NPC1: variants seen among roughly 807,000 people sequenced by gnomAD.
NPC1 encodes Niemann-Pick C1 protein.
In NPC1, 85 loss-of-function variants were observed where a neutral mutation model predicts 140.4. That is an observed-to-expected ratio of 0.61 (90% confidence interval 0.51 to 0.72). NPC1 has a LOEUF of 0.72. Ranked by LOEUF, NPC1 falls within the 30% of genes least tolerant of loss-of-function variation. The pLI is 0.00. For missense variants in NPC1, 1,504 were observed against 1,623.8 expected (o/e 0.93, Z 1.27); for synonymous variants, 656 against 624.8 (o/e 1.05, Z -0.74).
At chr18:23,544,668 G>A in intron 12 of NPC1, 142 bp from the exon 13 acceptor site, 1 of 845,028 alleles carries the variant, frequency 1.2e-6, no homozygotes, top group Non-Finnish European at 2.0e-6. Flanking sequence ...GAGAGGACTT[G>A]TAAACATTTC....
At chr18:23,549,742 C>CTTTTTTTT (rs1000073339) in intron 10 of NPC1, among the ~76,000 whole-genome samples, 5 of 138,006 alleles carry the variant, frequency 3.6e-5, no homozygotes, top group African/African-American at 1.4e-4. Context: ...TTTTTCACAA[C>CTTTTTTTT]TTTTTTTTTT....
intron 3 of NPC1, chr18:23,516,461 C>T (rs2058007994): frequency 6.3e-7 from 1 of 1,588,196 alleles, no homozygotes. Flanking sequence ...CCTGTGATTG[C>T]TTTCAGTAAT....
downstream of NPC1, chr18:23,518,931 G>A (rs376189098): frequency 9.3e-6 from 15 of 1,613,940 alleles, no homozygotes; most frequent in East Asian, 2.2e-5. Context: ...CATCATTCTC[G>A]GACCTCCAAC....
chr18:23,524,202 G>C (rs938103624), intron 1 of NPC1: 2 of 1,611,130 alleles, frequency 1.2e-6, no homozygotes, highest in African/African-American at 2.7e-5. Flanking sequence ...GTGGCACCGT[G>C]CACAACAGGG....
At position 23,544,515 on chromosome 18, in the gene NPC1, C is replaced by A; in HGVS notation, c.1959G>T (p.Lys653Asn). Reference sequence around the variant, plus strand: ...AGATGCCCGCGATGCCTAGTGAGACCTTCGAATCCACCTGAGAGAGGCGAC... The same window carrying A: ...AGATGCCCGCGATGCCTAGTGAGACATTCGAATCCACCTGAGAGAGGCGAC... Reference protein sequence around the residue: ...KSCRRLLVDSKVSLGIAGILI... With the variant: ...KSCRRLLVDSNVSLGIAGILI... The change falls in exon 13 of 25, where the codon AAG (lysine) becomes AAT (asparagine). Residue 653 changes from lysine (K) to asparagine (N), a missense_variant. Coordinates refer to ENST00000269228, the MANE Select transcript of NPC1 (RefSeq NM_000271.5). 1 of 1,614,164 alleles carries A rather than the reference C, an allele frequency of 6.2e-7. No homozygotes were observed. Among genetic ancestry groups the A allele is most frequent in the Non-Finnish European group, 8.5e-7 (1 of 1,180,030 alleles).
At chr18:23,579,399 C>G (rs2059330753) in intron 1 of NPC1, among the ~76,000 whole-genome samples, 1 of 152,188 alleles carries the variant, frequency 6.6e-6, no homozygotes, top group African/African-American at 2.4e-5. Flanking sequence ...ACTGGATTAT[C>G]TAAGTTCAGA....
Position 23,531,577 on chromosome 18 carries a change from C to A in NPC1, c.*625G>T. ...CACCTACGAGATGCTTTCTTTGTCC[C>A]TCATTTCATGCCACATCTAACTGGC... On this transcript the variant is annotated 3_prime_UTR_variant, in exon 25 of 25. Transcript: ENST00000269228. 1 of 1,595,096 alleles carries A rather than the reference C, an allele frequency of 6.3e-7. No individual in the cohort carries two copies.
chr18:23,560,039 A>T (rs1419374620), intron 6 of NPC1, among the ~76,000 whole-genome samples, 192 bp downstream of exon 6: 1 of 152,198 alleles, frequency 6.6e-6, no homozygotes, highest in Non-Finnish European at 1.5e-5. Flanking sequence ...AATTCATTTC[A>T]GATGTTGCAG....
chr18:23,540,330 G>A lies in NPC1; in HGVS notation c.2604+118C>T. ...CAGTTCTCCTAACCCTGGAAACCCTGTCACCATTTGCAGTTAGAAGCAGGC... is the reference window on the plus strand; with the variant it reads ...CAGTTCTCCTAACCCTGGAAACCCTATCACCATTTGCAGTTAGAAGCAGGC... On this transcript the variant is annotated intron_variant, in intron 17 of 24. Coordinates refer to ENST00000269228, the MANE Select transcript of NPC1 (RefSeq NM_000271.5). 5.4e-6 allele frequency: 4 copies of A among 740,826 alleles called. No homozygotes were observed. In the South Asian group the frequency reaches 6.2e-5, roughly 11 times the overall value. The allele number at this position is 740,826 out of a possible 1,614,324, so 45.9% of individuals were successfully genotyped here. A position where few individuals can be genotyped will look rare whatever the true frequency, so the allele number is the denominator to read the frequency against.
chr18:23,547,765 A>G (rs916167448), intron 11 of NPC1, among the ~76,000 whole-genome samples: 1 of 152,184 alleles, frequency 6.6e-6, no homozygotes. Context: ...AAGTAAAAAC[A>G]ATGCAAGGAA....
intron 4 of NPC1, among the ~76,000 whole-genome samples, chr18:23,563,370 C>A (rs1355877126): frequency 6.6e-6 from 1 of 152,204 alleles, no homozygotes; most frequent in Non-Finnish European, 1.5e-5. Flanking sequence ...ATACTTTCGT[C>A]TTGTGAGTGG....
downstream of NPC1, among the ~76,000 whole-genome samples, chr18:23,525,929 G>A (rs77492124): frequency 9.5e-4 from 145 of 152,322 alleles, 2 homozygotes; most frequent in East Asian, 0.025. Context: ...GCATTGTTGT[G>A]CCTTGTCTGT....
In NPC1 at chr18:23,568,849, T is replaced by C; in HGVS notation, c.437A>G (p.Tyr146Cys). ...QTKTNVKELQYYVGQSFANAM... is the reference protein window; with the variant it reads ...QTKTNVKELQCYVGQSFANAM... ...ATTGGCAAAACTCTGTCCGACGTAGTATTGTAACTCTTTCACATTTGTTTT... is the reference window on the plus strand; with the variant it reads ...ATTGGCAAAACTCTGTCCGACGTAGCATTGTAACTCTTTCACATTTGTTTT... Residue 146 changes from tyrosine to cysteine, a missense_variant, in exon 4 of 25, where the codon TAC (tyrosine) becomes TGC (cysteine). Tyr to Cys is a radical substitution (Grantham distance 194, BLOSUM62 -2). Transcript: ENST00000269228. The C allele has an allele frequency of 6.2e-7, 1 of 1,614,112 alleles. No individual in the cohort carries two copies. Among genetic ancestry groups the C allele is most frequent in the South Asian group, 1.1e-5 (1 of 91,080 alleles).
At chr18:23,525,819 C>G (rs557368682), downstream of NPC1, among the ~76,000 whole-genome samples, 2 of 152,242 alleles carry the variant, frequency 1.3e-5, no homozygotes, top group African/African-American at 4.8e-5. Context: ...CTATGTTACT[C>G]TTTAATCCTC....
At chr18:23,519,234 G>C, downstream of NPC1, 1 of 1,484,120 alleles carries the variant, frequency 6.7e-7, no homozygotes, top group Non-Finnish European at 9.4e-7. Flanking sequence ...GTGAAAATTG[G>C]TGGCTGGGCA....
downstream of NPC1, among the ~76,000 whole-genome samples, chr18:23,518,373 T>G (rs2058063746): frequency 6.6e-6 from 1 of 152,052 alleles, no homozygotes; most frequent in African/African-American, 2.4e-5. Context: ...GTGCATGTAG[T>G]CCTAGCTACT....
At chr18:23,570,620 T>G (rs1341160796) in intron 3 of NPC1, among the ~76,000 whole-genome samples, 5 of 152,226 alleles carry the variant, frequency 3.3e-5, no homozygotes, top group Non-Finnish European at 7.3e-5. Flanking sequence ...CATTTTCCCT[T>G]TTTAATATTT....
At chr18:23,529,805 C>A (rs2058434999), downstream of NPC1, 1 of 1,280,690 alleles carries the variant, frequency 7.8e-7, no homozygotes, top group Non-Finnish European at 1.1e-6. Flanking sequence ...TATGCTAAGA[C>A]AGGTCTGCCT....
At chr18:23,517,702 C>T (rs143397604), downstream of NPC1, among the ~76,000 whole-genome samples, 2 of 151,820 alleles carry the variant, frequency 1.3e-5, no homozygotes, top group African/African-American at 4.8e-5. Context: ...TAAACGTACT[C>T]TTCTGTGGCA....
Sources: gnomAD v4.1 joint callset for allele counts (sites outside exome capture counted in the v4.1 genomes callset) on GRCh38, gnomAD v4.1.1 for gene constraint, MANE v1.5 for transcripts, NCBI Gene and HGNC (gene_info 2026-07-23, HGNC 2026-07-21) for gene names.